The following C4orf51 variants were observed in gnomAD, a reference collection of about 807,000 sequenced individuals.
The protein encoded by C4orf51 is uncharacterized protein C4orf51.
Under a neutral mutation model 25.2 loss-of-function variants are expected in C4orf51, and 25 were observed. That is an observed-to-expected ratio of 0.99 (90% CI 0.72 to 1.39). The LOEUF (loss-of-function observed/expected upper bound fraction) is 1.39. Ranked by LOEUF, C4orf51 falls within the 40% of genes most tolerant of loss-of-function variation. The pLI is 0.00. For missense variants in C4orf51, 252 were observed against 239.6 expected (o/e 1.05, Z -0.34); for synonymous variants, 100 against 84.5 (o/e 1.18, Z -1.01).
chr4:145,707,160 C>T (rs1358863833), intron 2 of C4orf51, among the ~76,000 whole-genome samples: 2 of 151,880 alleles, frequency 1.3e-5, no homozygotes, highest in African/African-American at 2.4e-5. Flanking sequence ...AGGATGGTCT[C>T]GATCCCCTGA....
chr4:145,785,472 A>G, the C4orf51 span, among the ~76,000 whole-genome samples: 61,049 of 151,904 alleles, frequency 0.4, 14,029 homozygotes, highest in Non-Finnish European at 0.54. Flanking sequence ...TTCAGATCCA[A>G]TTTGTTCATT....
At chr4:145,696,933 A>T (rs1158265521) in intron 2 of C4orf51, among the ~76,000 whole-genome samples, 1 of 151,942 alleles carries the variant, frequency 6.6e-6, no homozygotes, top group Non-Finnish European at 1.5e-5. Flanking sequence ...GCTACTTGGA[A>T]GGATGAGGCA....
At position 145,765,535 on chromosome 4, in the gene C4orf51, C is replaced by A; in HGVS notation, n.167-5453C>A. On this transcript the variant is annotated intron_variant and non_coding_transcript_variant, in intron 1 of 1. Transcript: ENST00000510096. The surrounding 1 kb of genome is among the most constrained non-coding windows in gnomAD (Gnocchi z 4.7). ...GGAGGGTTGAGCAGGCTCACACCCACCTCCTCCTTACCTTTCTCTGGCTTT... is the reference window on the plus strand; with the variant it reads ...GGAGGGTTGAGCAGGCTCACACCCAACTCCTCCTTACCTTTCTCTGGCTTT... The A allele has an allele frequency of 1.2e-6, 2 of 1,605,436 alleles. No individual in the cohort carries two copies. The highest frequency in any genetic ancestry group is 1.7e-6 in the Non-Finnish European group (2 of 1,175,584).
the C4orf51 span, chr4:145,779,329 G>T: frequency 6.3e-7 from 1 of 1,593,516 alleles, no homozygotes; most frequent in South Asian, 1.1e-5. Flanking sequence ...AAAGAAGTTG[G>T]TGATGGAGCA....
intron 1 of C4orf51, among the ~76,000 whole-genome samples, chr4:145,690,029 AC>A (rs1423769937): frequency 6.6e-6 from 1 of 150,900 alleles, no homozygotes; most frequent in Non-Finnish European, 1.5e-5. Context: ...ACATGGTGAA[AC>A]CCCATTTCTA....
chr4:145,690,474 A>C (rs1333498737), intron 1 of C4orf51, among the ~76,000 whole-genome samples: 2 of 152,162 alleles, frequency 1.3e-5, no homozygotes, highest in African/African-American at 4.8e-5. Context: ...ACTGCACTCC[A>C]GCCTGGGCGA....
chr4:145,737,953 A>G (rs950867764), intron 1 of C4orf51, among the ~76,000 whole-genome samples: 6 of 152,214 alleles, frequency 3.9e-5, no homozygotes, highest in Non-Finnish European at 8.8e-5. Context: ...AGACAGGTTA[A>G]ATTCATCTGT....
intron 3 of C4orf51, among the ~76,000 whole-genome samples, chr4:145,728,307 A>G (rs1278987953): frequency 6.6e-6 from 1 of 151,868 alleles, no homozygotes; most frequent in Non-Finnish European, 1.5e-5. Flanking sequence ...CCTCTCTAAC[A>G]TTAGCTTTAA....
chr4:145,689,015 G>A lies in C4orf51; in HGVS notation c.234-7544G>A, dbSNP rs561231142. Among the ~76,000 whole-genome samples, 9 of 152,234 alleles carry A rather than the reference G, an allele frequency of 5.9e-5. No homozygotes were observed. In the South Asian group the frequency reaches 1.9e-3, roughly 32 times the overall value. ...ACAAGAATAAACAAAGACCAGTGGA[G>A]CAGAATAAAGAGCCAGAAACAGACC... On this transcript the variant is annotated intron_variant, in intron 1 of 5. Coordinates refer to ENST00000438731, the MANE Select transcript of C4orf51 (RefSeq NM_001080531.3).
chr4:145,731,361 C>T (rs563008217), intron 5 of C4orf51, among the ~76,000 whole-genome samples: 3 of 152,052 alleles, frequency 2.0e-5, no homozygotes, highest in African/African-American at 7.2e-5. Context: ...TCAAAGTAGC[C>T]GCTTTTAAGT....
the C4orf51 span, among the ~76,000 whole-genome samples, chr4:145,781,358 G>A: frequency 6.6e-6 from 1 of 152,010 alleles, no homozygotes; most frequent in African/African-American, 2.4e-5. Context: ...CTAAATCAAT[G>A]GGATCAATTT....
At chr4:145,760,016 G>A (rs1734275230) in intron 1 of C4orf51, 1 of 152,238 alleles carries the variant, frequency 6.6e-6, no homozygotes, top group South Asian at 2.1e-4. Context: ...TAGCTGCAGT[G>A]CTGCGAGATA....
chr4:145,734,238 G>A (rs142912706), downstream of C4orf51, among the ~76,000 whole-genome samples: 1 of 152,188 alleles, frequency 6.6e-6, no homozygotes, highest in African/African-American at 2.4e-5. Flanking sequence ...GTGGGTTAGG[G>A]CTTGTGTCCA....
chr4:145,713,530 T>C (rs991015673), intron 2 of C4orf51, among the ~76,000 whole-genome samples: 3 of 152,220 alleles, frequency 2.0e-5, no homozygotes, highest in Non-Finnish European at 4.4e-5. Context: ...CCTAAGGATG[T>C]AACTGAATTG....
chr4:145,728,848 A>G (rs1197133967), intron 3 of C4orf51, among the ~76,000 whole-genome samples: 2 of 152,068 alleles, frequency 1.3e-5, no homozygotes, highest in Non-Finnish European at 2.9e-5. Flanking sequence ...GTATTTTCAT[A>G]TTAGGATTGT....
intron 2 of C4orf51, among the ~76,000 whole-genome samples, chr4:145,722,416 A>G (rs919613632): frequency 4.6e-5 from 7 of 152,230 alleles, no homozygotes; most frequent in Admixed American, 4.6e-4. Flanking sequence ...CATTGTTATC[A>G]CACTCAAAAA....
In C4orf51 at chr4:145,700,335, C is replaced by T. The variant is rs542986344; in HGVS notation, c.307+3703C>T. Among the ~76,000 whole-genome samples, 5 of 152,156 alleles carry T rather than the reference C, an allele frequency of 3.3e-5. No individual in the cohort carries two copies. In the East Asian group the frequency reaches 5.8e-4, roughly 18 times the overall value. On this transcript the variant is annotated intron_variant, in intron 2 of 5. Coordinates refer to ENST00000438731, the MANE Select transcript of C4orf51 (RefSeq NM_001080531.3). ...TAAGAACCCCCAAATCCCTTCCCTC[C>T]GTGTCTCTACACTCTCTTTTCTCTA...
intron 1 of C4orf51, among the ~76,000 whole-genome samples, chr4:145,739,307 C>T (rs1302982770): frequency 2.0e-5 from 3 of 152,210 alleles, no homozygotes; most frequent in Non-Finnish European, 4.4e-5. Context: ...ATTTAGGACT[C>T]TTAGCTTGAG....
At position 145,727,895 on chromosome 4, in the gene C4orf51, G is replaced by GTGTATATATATATATATATA. The variant is rs529040880; in HGVS notation, c.366+927_366+928insGTATATATATATATATATAT. On this transcript the variant is annotated intron_variant, in intron 3 of 5. Transcript: ENST00000438731. ...GAAACTCCACCTACAAAAAAAATGTGTATATATATATATATATATATATAT... is the reference window on the plus strand; with the variant it reads ...GAAACTCCACCTACAAAAAAAATGTGTGTATATATATATATATATATATATATATATATATATATATATAT... Among the ~76,000 whole-genome samples, 7 of 101,616 alleles carry GTGTATATATATATATATATA rather than the reference G, an allele frequency of 6.9e-5. No homozygotes were observed. In the South Asian group the frequency reaches 8.9e-4, roughly 13 times the overall value. 66.7% of individuals were successfully genotyped at this position (101,616 alleles called of 152,430 possible).
Sources: allele counts gnomAD v4.1 joint callset (sites outside exome capture counted in the v4.1 genomes callset), GRCh38; gene constraint gnomAD v4.1.1; non-coding constraint Gnocchi (gnomAD v3.1); transcripts MANE v1.5; gene names NCBI Gene and HGNC (gene_info 2026-07-23, HGNC 2026-07-21).